Variants in KIAA1671 observed in about 807,000 individuals in gnomAD.
KIAA1671 encodes uncharacterized protein KIAA1671.
In KIAA1671, 52 loss-of-function variants were observed where a neutral mutation model predicts 131.2. The observed-to-expected ratio is 0.40, with a 90% CI of 0.32 to 0.50. KIAA1671 has a LOEUF of 0.50. Among genes scored for constraint, KIAA1671 ranks in the 20% least tolerant of loss-of-function variants. The pLI is 0.73. For missense variants in KIAA1671, 2,360 were observed against 2,364.2 expected (o/e 1.00, Z 0.04); for synonymous variants, 1,003 against 961.6 (o/e 1.04, Z -0.80).
intron 6 of KIAA1671, among the ~76,000 whole-genome samples, chr22:25,150,652 C>T (rs556058118): frequency 2.4e-4 from 36 of 152,250 alleles, no homozygotes; most frequent in Non-Finnish European, 3.4e-4. Context: ...AAATAGAACT[C>T]GGGCGTAGCT....
chr22:25,150,897 A>G (rs546222172), intron 6 of KIAA1671, among the ~76,000 whole-genome samples: 2 of 144,452 alleles, frequency 1.4e-5, no homozygotes, highest in African/African-American at 2.6e-5. Context: ...CCGTGGCGCA[A>G]TCTCGGCTTA....
chr22:25,122,967 T>G (rs1302083715), intron 6 of KIAA1671, among the ~76,000 whole-genome samples: 1 of 151,156 alleles, frequency 6.6e-6, no homozygotes, highest in Non-Finnish European at 1.5e-5. Context: ...AGAGCAAGAC[T>G]CCATCTCACA....
At chr22:25,139,485 C>T (rs207477921) in intron 6 of KIAA1671, among the ~76,000 whole-genome samples, 1 of 152,238 alleles carries the variant, frequency 6.6e-6, no homozygotes, top group Non-Finnish European at 1.5e-5. Flanking sequence ...GCTTTAGTTT[C>T]CCCTTCCATC....
At chr22:24,987,823 T>C (rs1267565142) in intron 1 of KIAA1671, among the ~76,000 whole-genome samples, 1 of 152,184 alleles carries the variant, frequency 6.6e-6, no homozygotes, top group Admixed American at 6.5e-5. Context: ...CAATTGAGGA[T>C]ACTGAGACAT....
chr22:25,187,791 C>T (rs2146047489), intron 11 of KIAA1671, among the ~76,000 whole-genome samples: 1 of 152,288 alleles, frequency 6.6e-6, no homozygotes, highest in African/African-American at 2.4e-5. Context: ...AGCTACCGTG[C>T]CTGGCCTGAC....
At chr22:24,976,619 G>A (rs1232703756) in intron 1 of KIAA1671, among the ~76,000 whole-genome samples, 2 of 152,184 alleles carry the variant, frequency 1.3e-5, no homozygotes, top group Non-Finnish European at 2.9e-5. Context: ...CGGGCTGGTC[G>A]CGACATGAAG....
chr22:25,158,538 T>G (rs1601367061), intron 6 of KIAA1671, among the ~76,000 whole-genome samples: 1 of 151,382 alleles, frequency 6.6e-6, no homozygotes, highest in Admixed American at 6.6e-5. Flanking sequence ...CCTGGGGGAG[T>G]GGATGCCTGG....
intron 4 of KIAA1671, among the ~76,000 whole-genome samples, chr22:25,038,529 G>A (rs1174022625): frequency 1.4e-4 from 22 of 152,318 alleles, no homozygotes; most frequent in Middle Eastern, 3.4e-3. Flanking sequence ...TTAACATCAG[G>A]ATAGATACAT....
intron 6 of KIAA1671, among the ~76,000 whole-genome samples, chr22:25,165,990 C>T (rs1426446428): frequency 1.3e-5 from 2 of 152,180 alleles, no homozygotes; most frequent in Non-Finnish European, 1.5e-5. Context: ...CTTTCCCTAA[C>T]CCCAGCCCTT....
chr22:25,177,422 C>T lies in KIAA1671; in HGVS notation c.4974C>T (p.Pro1658=), dbSNP rs1199719701. 10 of 1,551,774 alleles carry T rather than the reference C, an allele frequency of 6.4e-6. No homozygotes were observed. The highest frequency in any genetic ancestry group is 4.9e-5 in the East Asian group (2 of 40,906). ...QLSKRSRRRA[P]ISHSLRRSRF... is the part of the protein sequence containing the mutation. ...GCAAGAGAAGCCGCCGCCGGGCCCCCATCTCCCACTCCCTCCGGCGCAGCC... is the reference window on the plus strand; with the variant it reads ...GCAAGAGAAGCCGCCGCCGGGCCCCTATCTCCCACTCCCTCCGGCGCAGCC... Residue 1658 remains proline, a synonymous_variant, in exon 9 of 13, where the codon CCC becomes CCT. Transcript: ENST00000358431.
chr22:25,089,200 G>A (rs1929890441), intron 6 of KIAA1671, among the ~76,000 whole-genome samples: 1 of 150,578 alleles, frequency 6.6e-6, no homozygotes, highest in Non-Finnish European at 1.5e-5. Flanking sequence ...GTGGATTTAT[G>A]TATCTGTGGG....
chr22:25,076,690 G>A (rs1451944509), intron 6 of KIAA1671, among the ~76,000 whole-genome samples: 1 of 152,200 alleles, frequency 6.6e-6, no homozygotes, highest in African/African-American at 2.4e-5. Context: ...CAAGGCCTGT[G>A]GCCTTGCTAG....
intron 6 of KIAA1671, 149 bp from the exon 7 acceptor site, chr22:25,170,671 G>A (rs1933815251): frequency 8.4e-6 from 6 of 717,928 alleles, no homozygotes; most frequent in Admixed American, 2.1e-5. Flanking sequence ...CTAGTGCCCA[G>A]CCAAGATGTC....
chr22:25,100,639 T>C (rs1930615812), intron 6 of KIAA1671, among the ~76,000 whole-genome samples: 1 of 152,182 alleles, frequency 6.6e-6, no homozygotes, highest in Non-Finnish European at 1.5e-5. Flanking sequence ...ACAATGGAGA[T>C]TACAGCCTTC....
At chr22:25,070,841 C>G (rs1446713216) in intron 6 of KIAA1671, among the ~76,000 whole-genome samples, 2 of 152,152 alleles carry the variant, frequency 1.3e-5, no homozygotes, top group Non-Finnish European at 2.9e-5. Context: ...ATAGATTTTG[C>G]TTTCCTTTTC....
chr22:25,188,949 T>C (rs1934568009), intron 11 of KIAA1671, among the ~76,000 whole-genome samples: 1 of 152,048 alleles, frequency 6.6e-6, no homozygotes, highest in South Asian at 2.1e-4. Context: ...TATATAGATA[T>C]GTATGCACAT....
intron 1 of KIAA1671, among the ~76,000 whole-genome samples, chr22:25,009,130 A>T (rs1279082861): frequency 2.6e-5 from 4 of 151,812 alleles, no homozygotes; most frequent in Admixed American, 6.6e-5. Flanking sequence ...ACAGAGATGG[A>T]CCCGAGACTT....
chr22:25,042,822 G>A (rs1927021116), intron 5 of KIAA1671, among the ~76,000 whole-genome samples: 2 of 152,172 alleles, frequency 1.3e-5, no homozygotes, highest in African/African-American at 4.8e-5. Flanking sequence ...GTAGGGGAGA[G>A]AAGAAGTGAG....
At chr22:24,980,913 A>C (rs1923196929) in intron 1 of KIAA1671, among the ~76,000 whole-genome samples, 1 of 151,680 alleles carries the variant, frequency 6.6e-6, no homozygotes, top group Non-Finnish European at 1.5e-5. Context: ...TGCCTGGATG[A>C]TTTTTGTATT....
Sources: gnomAD v4.1 joint callset for allele counts (sites outside exome capture counted in the v4.1 genomes callset) on GRCh38, gnomAD v4.1.1 for gene constraint, MANE v1.5 for transcripts, NCBI Gene and HGNC (gene_info 2026-07-23, HGNC 2026-07-21) for gene names.